HFM1: variants seen among roughly 807,000 people sequenced by gnomAD.
The protein encoded by HFM1 is helicase for meiosis 1, also known as probable ATP-dependent DNA helicase HFM1.
A neutral mutation model predicts 192.1 loss-of-function variants in HFM1; 169 were observed. The observed-to-expected ratio is 0.88, with a 90% confidence interval of 0.78 to 1.00. HFM1 has a LOEUF of 1.00. Among genes scored for constraint, HFM1 ranks in the 50% least tolerant of loss-of-function variants. The pLI is 0.00. For missense variants in HFM1, 1,661 were observed against 1,668.0 expected (o/e 1.00, Z 0.07); for synonymous variants, 525 against 537.8 (o/e 0.98, Z 0.33).
intron 18 of HFM1, 36 bp from the exon 19 acceptor site, chr1:91,347,512 C>A: frequency 1.4e-6 from 2 of 1,452,572 alleles, no homozygotes; most frequent in Non-Finnish European, 1.9e-6. Context: ...GAATTTAGCT[C>A]ATCTTTACAG....
chr1:91,300,534 A>T (rs1648565558), intron 30 of HFM1, among the ~76,000 whole-genome samples: 1 of 152,232 alleles, frequency 6.6e-6, no homozygotes, highest in South Asian at 2.1e-4. Context: ...AAAAATCCTC[A>T]ATAAAATATT....
rs562127417 is a variant in HFM1, at chr1:91,299,931, G to A, written c.3391+13418C>T. The stretch of plus-strand genomic sequence containing the variant: ...CTAGCAGAAGTCAAGAAATAACTAA[G>A]ATCAGAGCAGAACTGAAGGAAATAG... On this transcript the variant is annotated intron_variant, in intron 30 of 38. Coordinates refer to ENST00000370425, the MANE Select transcript of HFM1 (RefSeq NM_001017975.6). Among the ~76,000 whole-genome samples, 675 of 152,108 alleles carry A rather than the reference G, an allele frequency of 4.4e-3. 1 individual carries two copies. Among genetic ancestry groups the A allele is most frequent in the Non-Finnish European group, 7.5e-3 (511 of 67,984 alleles).
chr1:91,399,235 T>A (rs911645391), intron 2 of HFM1, among the ~76,000 whole-genome samples: 9 of 152,124 alleles, frequency 5.9e-5, no homozygotes, highest in African/African-American at 2.2e-4. Flanking sequence ...CCCTTCTTCT[T>A]ATAGAGGGAA....
intron 13 of HFM1, among the ~76,000 whole-genome samples, chr1:91,360,416 C>T (rs1658341242): frequency 6.6e-6 from 1 of 152,168 alleles, no homozygotes; most frequent in South Asian, 2.1e-4. Context: ...ACAAAATAGA[C>T]TTTAAACCAA....
At chr1:91,263,124 A>T (rs913923370) in intron 36 of HFM1, among the ~76,000 whole-genome samples, 4 of 152,190 alleles carry the variant, frequency 2.6e-5, no homozygotes, top group Non-Finnish European at 5.9e-5. Context: ...GGGAGTTACC[A>T]TCAAGCAGAC....
At chr1:91,405,676 G>A (rs879724642), upstream of HFM1, among the ~76,000 whole-genome samples, 20 of 151,978 alleles carry the variant, frequency 1.3e-4, no homozygotes, top group Non-Finnish European at 2.4e-4. Flanking sequence ...CTGCTGCAAG[G>A]GTTAAATAAA....
At position 91,385,825 on chromosome 1, in the gene HFM1, T is replaced by A; in HGVS notation, c.504A>T (p.Lys168Asn). Reference protein sequence around the residue: ...STSVFRKRLFKISDNIHGSAY... With the variant: ...STSVFRKRLFNISDNIHGSAY... ...CACTCCCATGTATATTGTCAGATAT[T>A]TTAAATAATCTGCAAACAAAAAAAA... Residue 168 changes from lysine (K) to asparagine (N), a missense_variant, in exon 5 of 39, where the codon AAA becomes AAT. Physicochemically the swap from Lys to Asn is moderately conservative, Grantham distance 94 (BLOSUM62 0). Coordinates refer to ENST00000370425, the MANE Select transcript of HFM1 (RefSeq NM_001017975.6). 3 of 1,593,358 alleles carry A rather than the reference T, an allele frequency of 1.9e-6. No homozygotes were observed. The South Asian group carries it at 3.4e-5, about 18-fold the overall frequency.
chr1:91,320,644 T>C (rs1651953320), intron 23 of HFM1, among the ~76,000 whole-genome samples: 1 of 152,184 alleles, frequency 6.6e-6, no homozygotes, highest in Non-Finnish European at 1.5e-5. Flanking sequence ...AGAAATCTTA[T>C]TTCAAGAAGC....
At chr1:91,262,678 G>T in intron 36 of HFM1, 86 bp from the exon 37 acceptor site, 1 of 790,686 alleles carries the variant, frequency 1.3e-6, no homozygotes, top group South Asian at 1.8e-5. Flanking sequence ...TGGGGAATAT[G>T]ATCAAAGTTT....
chr1:91,367,149 G>C (rs282048), intron 13 of HFM1, among the ~76,000 whole-genome samples: 152,136 of 152,314 alleles, frequency 1, 75,979 homozygotes, highest in Non-Finnish European at 1. Flanking sequence ...CTCAAGGAGG[G>C]CTCCCTGCCT....
At position 91,270,945 on chromosome 1, in the gene HFM1, T is replaced by A. The variant is rs756789879; in HGVS notation, c.3772+2767A>T. Among the ~76,000 whole-genome samples the A allele has an allele frequency of 2.4e-4, 37 of 152,260 alleles. 1 individual carries two copies. The highest frequency in any genetic ancestry group is 6.8e-3 in the Middle Eastern group (2 of 294). On this transcript the variant is annotated intron_variant, in intron 34 of 38. Coordinates refer to ENST00000370425, the MANE Select transcript of HFM1 (RefSeq NM_001017975.6). Reference sequence around the variant, plus strand: ...TTTGTTTTGATGAGAAAGCAAGAGATAGAGGGTATGGGGACTCTAGAATTC... The same window carrying A: ...TTTGTTTTGATGAGAAAGCAAGAGAAAGAGGGTATGGGGACTCTAGAATTC...
chr1:91,297,114 G>A (rs915816160), intron 30 of HFM1, among the ~76,000 whole-genome samples: 1 of 152,306 alleles, frequency 6.6e-6, no homozygotes, highest in African/African-American at 2.4e-5. Context: ...TTTTCTAATG[G>A]TCTTAGCAAA....
Position 91,380,205 on chromosome 1 carries a change from C to A in HFM1, c.905G>T (p.Cys302Phe). The change falls in exon 8 of 39, where the codon TGT becomes TTT. Residue 302 changes from cysteine to phenylalanine, a missense_variant. By Grantham distance (205) the Cys-to-Phe change is radical. Transcript: ENST00000370425. ...AGTTTTTCCAGAACCAGTTGGAGCACAAATCACAAAATTCCTATCTGTGTA... is the reference window on the plus strand; with the variant it reads ...AGTTTTTCCAGAACCAGTTGGAGCAAAAATCACAAAATTCCTATCTGTGTA... ...LLYTDRNFVICAPTGSGKTVV... is the reference protein window; with the variant it reads ...LLYTDRNFVIFAPTGSGKTVV... 1 of 1,577,880 alleles carries A rather than the reference C, an allele frequency of 6.3e-7. No individual in the cohort carries two copies. The highest frequency in any genetic ancestry group is 8.6e-7 in the Non-Finnish European group (1 of 1,157,670).
intron 20 of HFM1, among the ~76,000 whole-genome samples, chr1:91,338,490 T>C (rs1288194234): frequency 6.6e-6 from 1 of 152,198 alleles, no homozygotes; most frequent in African/African-American, 2.4e-5. Context: ...CACCGCCTAG[T>C]GGCCACCACC....
chr1:91,288,253 C>A (rs1668252588), intron 30 of HFM1, among the ~76,000 whole-genome samples: 1 of 151,798 alleles, frequency 6.6e-6, no homozygotes, highest in African/African-American at 2.4e-5. Flanking sequence ...ATGTTAAGGG[C>A]AGCCAGAGAG....
intron 36 of HFM1, among the ~76,000 whole-genome samples, chr1:91,264,720 G>A (rs1406982114): frequency 6.6e-6 from 1 of 151,934 alleles, no homozygotes; most frequent in Non-Finnish European, 1.5e-5. Context: ...ATCAGACCCT[G>A]AATAAAAAGT....
chr1:91,284,075 CACTGA>C (rs1320817124), intron 30 of HFM1, among the ~76,000 whole-genome samples: 9 of 151,884 alleles, frequency 5.9e-5, no homozygotes, highest in East Asian at 1.9e-4. Flanking sequence ...AAAAGGAATA[CACTGA>C]ACTGGAGTCC....
At chr1:91,282,521 T>C (rs1392615067) in intron 30 of HFM1, among the ~76,000 whole-genome samples, 1 of 152,216 alleles carries the variant, frequency 6.6e-6, no homozygotes, top group Non-Finnish European at 1.5e-5. Flanking sequence ...TCACCCTTGG[T>C]TGTCTGCCTA....
At chr1:91,353,652 C>CCAAAAAAAAAAAAAAAAAAAAAA (rs1553213573) in intron 13 of HFM1, among the ~76,000 whole-genome samples, 1 of 65,428 alleles carries the variant, frequency 1.5e-5, no homozygotes, top group Non-Finnish European at 3.2e-5. Context: ...AGTAAATAAG[C>CCAAAAAAAAAAAAAAAAAAAAAA]AAAAAAAAAA....
Sources: gnomAD v4.1 joint callset for allele counts (sites outside exome capture counted in the v4.1 genomes callset) on GRCh38, gnomAD v4.1.1 for gene constraint, MANE v1.5 for transcripts, NCBI Gene and HGNC (gene_info 2026-07-23, HGNC 2026-07-21) for gene names.